The following PIP5K1B variants were observed in gnomAD, a reference collection of about 807,000 sequenced individuals.
PIP5K1B encodes the protein phosphatidylinositol 4-phosphate 5-kinase type-1 beta.
PIP5K1B carries 42 observed loss-of-function variants against 67.0 expected under a neutral mutation model. That is an observed-to-expected ratio of 0.63 (90% CI 0.49 to 0.81). PIP5K1B has a LOEUF of 0.81. Ranked by LOEUF, PIP5K1B falls within the 30% of genes least tolerant of loss-of-function variation. PIP5K1B has a pLI of 0.00. For missense variants in PIP5K1B, 459 were observed against 646.3 expected (o/e 0.71, Z 3.14); for synonymous variants, 214 against 231.4 (o/e 0.92, Z 0.68).
intron 6 of PIP5K1B, among the ~76,000 whole-genome samples, chr9:68,883,522 T>G (rs768845223): frequency 6.6e-6 from 1 of 152,214 alleles, no homozygotes; most frequent in Non-Finnish European, 1.5e-5. Flanking sequence ...CTCAGTATTT[T>G]CAAAGCAAAA....
intron 1 of PIP5K1B, among the ~76,000 whole-genome samples, chr9:68,716,852 A>G (rs976982710): frequency 3.9e-5 from 6 of 152,226 alleles, no homozygotes; most frequent in African/African-American, 1.2e-4. Context: ...GTGACCATCA[A>G]TGATGGATTG....
chr9:68,786,307 T>G (rs750653028), intron 2 of PIP5K1B: 19 of 152,220 alleles, frequency 1.2e-4, no homozygotes, highest in Non-Finnish European at 2.4e-4. Context: ...CTATTTTTAG[T>G]GCTTTACATT....
chr9:68,883,909 G>C (rs1824326056), intron 6 of PIP5K1B, among the ~76,000 whole-genome samples: 1 of 152,100 alleles, frequency 6.6e-6, no homozygotes, highest in Non-Finnish European at 1.5e-5. Flanking sequence ...GGAAAGGATA[G>C]TCTCTTTAAG....
At chr9:68,863,732 T>C (rs967723963) in intron 4 of PIP5K1B, 105 bp from the exon 5 acceptor site, 4 of 928,804 alleles carry the variant, frequency 4.3e-6, no homozygotes, top group East Asian at 2.7e-5. Flanking sequence ...GTCATTGTTT[T>C]GGAGCAAGAA....
In PIP5K1B at chr9:68,822,688, G is replaced by A. The variant is rs749150655; in HGVS notation, c.69+5G>A. On this transcript the variant is annotated splice_donor_5th_base_variant and intron_variant, in intron 4 of 15. Coordinates refer to ENST00000265382, the MANE Select transcript of PIP5K1B (RefSeq NM_003558.4). ...GAAGAAAAAACCTATAAAAAGGTGA[G>A]TGTGCATTTTATTTTCTAAAGAGGA... 3.1e-6 allele frequency: 5 copies of A among 1,602,216 alleles called. No homozygotes were observed. The highest frequency in any genetic ancestry group is 4.3e-6 in the Non-Finnish European group (5 of 1,170,070).
intron 5 of PIP5K1B, among the ~76,000 whole-genome samples, chr9:68,873,421 G>T (rs532637740): frequency 3.3e-5 from 5 of 150,792 alleles, no homozygotes; most frequent in Admixed American, 6.6e-5. Flanking sequence ...CCAAACAGCC[G>T]GGACTACAGA....
chr9:68,931,257 C>T (rs1826980111), intron 12 of PIP5K1B, among the ~76,000 whole-genome samples: 1 of 152,154 alleles, frequency 6.6e-6, no homozygotes, highest in Non-Finnish European at 1.5e-5. Context: ...AGCTTAGTTT[C>T]CTGAATAGAA....
At chr9:68,799,417 A>G (rs755595508) in intron 2 of PIP5K1B, among the ~76,000 whole-genome samples, 1 of 152,228 alleles carries the variant, frequency 6.6e-6, no homozygotes, top group South Asian at 2.1e-4. Flanking sequence ...GGAACCACAA[A>G]GGAGCCCAAA....
At chr9:68,856,848 A>G (rs1361491787) in intron 4 of PIP5K1B, among the ~76,000 whole-genome samples, 1 of 152,220 alleles carries the variant, frequency 6.6e-6, no homozygotes, top group African/African-American at 2.4e-5. Context: ...CCACAGAATA[A>G]TGGGACCCCA....
chr9:68,886,930 C>G (rs1053915673), intron 6 of PIP5K1B, among the ~76,000 whole-genome samples: 1 of 152,236 alleles, frequency 6.6e-6, no homozygotes, highest in African/African-American at 2.4e-5. Context: ...TCCTTGCCCT[C>G]TCTGCTACAG....
chr9:68,820,110 G>GT (rs1304710684), intron 3 of PIP5K1B, among the ~76,000 whole-genome samples: 1 of 151,838 alleles, frequency 6.6e-6, no homozygotes, highest in Non-Finnish European at 1.5e-5. Context: ...TAGTTTTTTG[G>GT]TTTTAAAAGC....
rs141479341 is a variant in PIP5K1B, at chr9:68,991,082, G to A, written c.1503-58G>A. 1,299 of 949,454 alleles carry A rather than the reference G, an allele frequency of 1.4e-3. 12 individuals carry two copies. The African/African-American group carries it at 0.018, about 13-fold the overall frequency. The allele number at this position is 949,454 out of a possible 1,614,324, so 58.8% of individuals were successfully genotyped here. ...CCTCACCCTCTTTAGGACTTTGGAG[G>A]TGTCTTTAGATTTTGTTCTGGGGGC... On this transcript the variant is annotated intron_variant, in intron 14 of 15. Transcript: ENST00000265382.
chr9:68,809,739 G>A (rs1833059185), intron 2 of PIP5K1B, among the ~76,000 whole-genome samples: 1 of 152,056 alleles, frequency 6.6e-6, no homozygotes, highest in Non-Finnish European at 1.5e-5. Flanking sequence ...CCCAGCAAAC[G>A]GCTCTAAGTC....
At chr9:68,727,898 A>G (rs1325074666) in intron 1 of PIP5K1B, among the ~76,000 whole-genome samples, 1 of 152,186 alleles carries the variant, frequency 6.6e-6, no homozygotes, top group Admixed American at 6.5e-5. Flanking sequence ...GCCATCCCCT[A>G]AAGAGATACT....
intron 2 of PIP5K1B, among the ~76,000 whole-genome samples, chr9:68,764,371 A>C (rs1316395896): frequency 6.6e-6 from 1 of 152,050 alleles, no homozygotes; most frequent in Non-Finnish European, 1.5e-5. Flanking sequence ...TCTAAATGTC[A>C]TCTTATTTTC....
chr9:68,970,447 C>G (rs1259098190), intron 14 of PIP5K1B, among the ~76,000 whole-genome samples: 1 of 152,098 alleles, frequency 6.6e-6, no homozygotes, highest in African/African-American at 2.4e-5. Flanking sequence ...ATTGTCCTAC[C>G]CAAGCAATAT....
At chr9:68,989,911 T>C (rs1830283899) in intron 14 of PIP5K1B, among the ~76,000 whole-genome samples, 1 of 150,848 alleles carries the variant, frequency 6.6e-6, no homozygotes, top group South Asian at 2.1e-4. Context: ...ACCCAGGAGG[T>C]GGAGATTGCA....
intron 14 of PIP5K1B, among the ~76,000 whole-genome samples, chr9:68,989,049 C>T (rs71503649): frequency 0.31 from 42,051 of 133,672 alleles, 6,282 homozygotes; most frequent in Admixed American, 0.37. Flanking sequence ...GAGCGAAGAC[C>T]GTGCCATTGC....
At chr9:68,747,896 T>C (rs1009062919) in intron 2 of PIP5K1B, among the ~76,000 whole-genome samples, 2 of 152,230 alleles carry the variant, frequency 1.3e-5, no homozygotes, top group African/African-American at 4.8e-5. Context: ...AGAGGCTTCA[T>C]TTATGTATTT....
Sources: gnomAD v4.1 joint callset for allele counts (sites outside exome capture counted in the v4.1 genomes callset) on GRCh38, gnomAD v4.1.1 for gene constraint, MANE v1.5 for transcripts, NCBI Gene and HGNC (gene_info 2026-07-23, HGNC 2026-07-21) for gene names.